Variants in CTTNBP2 observed in about 807,000 individuals in gnomAD.
CTTNBP2 encodes cortactin binding protein 2.
CTTNBP2 carries 108 observed loss-of-function variants against 156.9 expected under a neutral mutation model. The ratio of observed to expected loss-of-function variants is 0.69; its 90% CI spans 0.59 to 0.81. The LOEUF (loss-of-function observed/expected upper bound fraction) is 0.81, where lower values mean the gene tolerates loss of function less well. Ranked by LOEUF, CTTNBP2 falls within the 30% of genes least tolerant of loss-of-function variation. The pLI is 0.00. For synonymous variants in CTTNBP2, 767 were observed against 751.8 expected, an observed-to-expected ratio of 1.02 and a Z score of -0.33; for missense variants, 1,924 against 2,035.4, an observed-to-expected ratio of 0.95 and a Z score of 1.05.
chr7:117,837,776 A>G (rs1342886577), intron 2 of CTTNBP2, among the ~76,000 whole-genome samples: 2 of 152,098 alleles, frequency 1.3e-5, no homozygotes, highest in Admixed American at 6.5e-5. Flanking sequence ...TCATGTTGGT[A>G]CTCAAAAAGT....
At chr7:117,807,803 A>G (rs1255495759) in intron 3 of CTTNBP2, among the ~76,000 whole-genome samples, 1 of 152,202 alleles carries the variant, frequency 6.6e-6, no homozygotes, top group African/African-American at 2.4e-5. Flanking sequence ...GCTGCAGACT[A>G]GCTCTGCAGA....
At chr7:117,790,598 TA>T (rs397968884) in intron 4 of CTTNBP2, among the ~76,000 whole-genome samples, 6,740 of 136,008 alleles carry the variant, frequency 0.05, 445 homozygotes, top group African/African-American at 0.16. Context: ...TTTCTGAAGG[TA>T]AAAAAAAAAA....
rs577759433 is a variant in CTTNBP2, at chr7:117,866,163, G to A, written c.82-4847C>T. ...AGAATAGACAAAACAGACCCTGGCT[G>A]AGTAAACTCATCTTAAATTTCCAGA... On this transcript the variant is annotated intron_variant, in intron 1 of 22. Coordinates refer to ENST00000160373, the MANE Select transcript of CTTNBP2 (RefSeq NM_033427.3). Among the ~76,000 whole-genome samples the A allele has an allele frequency of 3.8e-3, 575 of 152,034 alleles. 2 individuals are homozygous for A. The highest frequency in any genetic ancestry group is 6.0e-3 in the Non-Finnish European group (408 of 67,972).
chr7:117,811,045 T>C (rs1800245010), intron 2 of CTTNBP2, 56 bp from the exon 3 acceptor site: 1 of 1,322,646 alleles, frequency 7.6e-7, no homozygotes, highest in Admixed American at 1.9e-5. Flanking sequence ...TACAGAAAGA[T>C]ATTTATAAGA....
chr7:117,799,666 G>T (rs994757105), intron 3 of CTTNBP2, among the ~76,000 whole-genome samples: 1 of 152,014 alleles, frequency 6.6e-6, no homozygotes, highest in Non-Finnish European at 1.5e-5. Context: ...CCAGGGCAGT[G>T]GTGGGGAAGA....
chr7:117,852,063 G>A (rs73479379), intron 2 of CTTNBP2, among the ~76,000 whole-genome samples: 2,223 of 152,126 alleles, frequency 0.015, 59 homozygotes, highest in African/African-American at 0.05. Flanking sequence ...TGACACATCC[G>A]CATTTTAATA....
At chr7:117,852,679 A>C (rs1803005701) in intron 2 of CTTNBP2, among the ~76,000 whole-genome samples, 1 of 152,342 alleles carries the variant, frequency 6.6e-6, no homozygotes, top group Admixed American at 6.5e-5. Flanking sequence ...GTTTATAATT[A>C]CCTGCGCTCA....
intron 3 of CTTNBP2, among the ~76,000 whole-genome samples, chr7:117,805,116 T>C (rs2116935043): frequency 6.6e-6 from 1 of 152,298 alleles, no homozygotes; most frequent in East Asian, 1.9e-4. Flanking sequence ...TAATAAGAGT[T>C]TTAGAGCTGG....
chr7:117,804,497 A>G (rs1799814140), intron 3 of CTTNBP2, among the ~76,000 whole-genome samples: 1 of 152,216 alleles, frequency 6.6e-6, no homozygotes, highest in Non-Finnish European at 1.5e-5. Context: ...ACTATTCACA[A>G]TAGCAAAGAC....
At chr7:117,777,366 T>C (rs1486716732) in intron 8 of CTTNBP2, 145 bp downstream of exon 8, 14 of 790,828 alleles carry the variant, frequency 1.8e-5, no homozygotes, top group Non-Finnish European at 2.8e-5. Context: ...ATAGGAATAA[T>C]GTCAATTTGT....
chr7:117,812,799 T>G (rs1028490715), intron 2 of CTTNBP2, among the ~76,000 whole-genome samples: 4 of 152,330 alleles, frequency 2.6e-5, no homozygotes, highest in Non-Finnish European at 4.4e-5. Context: ...GGATTAACAC[T>G]TGGATAATTC....
intron 7 of CTTNBP2, 35 bp from the exon 8 acceptor site, chr7:117,777,800 A>G (rs1798190937): frequency 6.3e-7 from 1 of 1,580,632 alleles, no homozygotes; most frequent in Non-Finnish European, 8.6e-7. Context: ...AAGGGTTGAT[A>G]ACAACATTAA....
intron 16 of CTTNBP2, among the ~76,000 whole-genome samples, chr7:117,732,586 C>T (rs1266564927): frequency 7.0e-6 from 1 of 143,460 alleles, no homozygotes; most frequent in African/African-American, 2.6e-5. Flanking sequence ...GGAGGCGGAG[C>T]TTGCAGTGAG....
At position 117,725,054 on chromosome 7, in the gene CTTNBP2, G is replaced by T; in HGVS notation, c.4259C>A (p.Ala1420Glu). 6.2e-7 allele frequency: 1 copy of T among 1,612,118 alleles called. No individual in the cohort carries two copies. Among genetic ancestry groups the T allele is most frequent in the Non-Finnish European group, 8.5e-7 (1 of 1,179,792 alleles). Residue 1420 changes from alanine to glutamate, a missense_variant and splice_region_variant, in exon 18 of 23, where the codon GCA (alanine) becomes GAA (glutamate). Coordinates refer to ENST00000160373, the MANE Select transcript of CTTNBP2 (RefSeq NM_033427.3). ...CCTCTCTGCAGAAACCCACATACCT[G>T]CTCTGGGGAGGGGACAGCCATGCAG... ...AVLHGCPLPR[A>E]ELDQHTADFK... is the part of the protein sequence containing the mutation.
rs1438271487 is a variant in CTTNBP2 at position 117,746,069 on chromosome 7, C to A, written c.3379G>T (p.Gly1127Cys). Reference protein sequence around the residue: ...VEQYHNVIFHGPEGSLQDYIV... With the variant: ...VEQYHNVIFHCPEGSLQDYIV... Reference sequence around the variant, plus strand: ...TAGTCTTGCAAGCTTCCTTCTGGGCCGTGGAAAATGACATTATGATATTGC... The same window carrying A: ...TAGTCTTGCAAGCTTCCTTCTGGGCAGTGGAAAATGACATTATGATATTGC... The change falls in exon 13 of 23, where the codon GGC (glycine) becomes TGC (cysteine). Residue 1127 changes from glycine to cysteine, a missense_variant. Physicochemically the swap from Gly to Cys is radical, Grantham distance 159. Transcript: ENST00000160373. 7 of 1,614,012 alleles carry A rather than the reference C, an allele frequency of 4.3e-6. No individual in the cohort carries two copies. In the East Asian group the frequency reaches 1.6e-4, roughly 36 times the overall value.
At chr7:117,872,508 A>G (rs928940999) in intron 1 of CTTNBP2, among the ~76,000 whole-genome samples, 1 of 152,096 alleles carries the variant, frequency 6.6e-6, no homozygotes, top group African/African-American at 2.4e-5. Flanking sequence ...CCCTTCCCCA[A>G]AGTAGAGGCT....
chr7:117,711,961 CATG>C (rs1223916484), intron 22 of CTTNBP2, among the ~76,000 whole-genome samples, 179 bp from the exon 23 acceptor site: 1 of 152,156 alleles, frequency 6.6e-6, no homozygotes, highest in Non-Finnish European at 1.5e-5. Flanking sequence ...AGACTTACTG[CATG>C]ATTTTCATTA....
rs773845354 is a variant in CTTNBP2, at chr7:117,782,940, C to T, written c.2294G>A (p.Ser765Asn). 1.2e-6 allele frequency: 2 copies of T among 1,613,840 alleles called. No individual in the cohort carries two copies. The highest frequency in any genetic ancestry group is 1.7e-6 in the Non-Finnish European group (2 of 1,179,740). ...GHTDCVRLLL[S>N]AEAQVNAADK... ...AGCAGCATTGACTTGGGCTTCTGCA[C>T]TCAGCAGCAATCTCACACAGTCTAT... is the stretch of plus-strand genomic sequence containing the variant. Residue 765 changes from serine (S) to asparagine (N), a missense_variant, in exon 6 of 23, where the codon AGT (serine) becomes AAT (asparagine). Physicochemically the swap from Ser to Asn is conservative, Grantham distance 46. Transcript: ENST00000160373.
At chr7:117,766,293 G>T (rs896226610) in intron 9 of CTTNBP2, among the ~76,000 whole-genome samples, 9 of 152,178 alleles carry the variant, frequency 5.9e-5, no homozygotes, top group Middle Eastern at 3.4e-3. Context: ...ACCCCCTCGG[G>T]TTTAAAGAGA....
Sources: allele counts gnomAD v4.1 joint callset (sites outside exome capture counted in the v4.1 genomes callset), GRCh38; gene constraint gnomAD v4.1.1; transcripts MANE v1.5; gene names NCBI Gene and HGNC (gene_info 2026-07-23, HGNC 2026-07-21).